DYRK1A: variants seen among roughly 807,000 people sequenced by gnomAD.
DYRK1A encodes the protein dual specificity tyrosine-phosphorylation-regulated kinase 1A.
DYRK1A carries 9 observed loss-of-function variants against 79.7 expected under a neutral mutation model. The observed-to-expected ratio is 0.11, with a 90% CI of 0.07 to 0.20. The LOEUF (loss-of-function observed/expected upper bound fraction) is 0.20, where lower values mean the gene tolerates loss of function less well. Among genes scored for constraint, DYRK1A ranks in the 10% least tolerant of loss-of-function variants. DYRK1A has a pLI of 1.00. For synonymous variants in DYRK1A, 349 were observed against 329.7 expected (o/e 1.06, Z -0.63); for missense variants, 622 against 956.0 (o/e 0.65, Z 4.61).
chr21:37,503,850 T>C (rs2053521531), intron 9 of DYRK1A: 1 of 152,242 alleles, frequency 6.6e-6, no homozygotes, highest in African/African-American at 2.4e-5. Flanking sequence ...TATTTTAAAG[T>C]TCCAGTCTGC....
chr21:37,443,298 C>A (rs569151430), intron 2 of DYRK1A, among the ~76,000 whole-genome samples: 1 of 152,118 alleles, frequency 6.6e-6, no homozygotes. Flanking sequence ...ATTGAGCCAC[C>A]GCTCCTGGCC....
At chr21:37,439,678 C>T (rs149551616) in intron 2 of DYRK1A, among the ~76,000 whole-genome samples, 1 of 152,236 alleles carries the variant, frequency 6.6e-6, no homozygotes, top group African/African-American at 2.4e-5. Context: ...AACCATATCT[C>T]CCCCCATGGA....
chr21:37,429,439 G>A (rs2050715633), intron 2 of DYRK1A, among the ~76,000 whole-genome samples: 2 of 152,148 alleles, frequency 1.3e-5, no homozygotes, highest in Non-Finnish European at 2.9e-5. Context: ...GCATGGCTAG[G>A]GAGGCCTCAG....
intron 1 of DYRK1A, among the ~76,000 whole-genome samples, chr21:37,391,601 A>G (rs2049871275): frequency 6.6e-6 from 1 of 152,176 alleles, no homozygotes; most frequent in Admixed American, 6.5e-5. Flanking sequence ...AGTCCTCCTT[A>G]ACCCCTTGTT....
At chr21:37,375,275 G>A (rs1207913402) in intron 1 of DYRK1A, among the ~76,000 whole-genome samples, 3 of 152,208 alleles carry the variant, frequency 2.0e-5, no homozygotes, top group African/African-American at 7.2e-5. Flanking sequence ...AAGGTTTTAA[G>A]TAAGGTTTTG....
intron 1 of DYRK1A, among the ~76,000 whole-genome samples, chr21:37,392,366 T>C (rs935612707): frequency 6.6e-6 from 1 of 152,236 alleles, no homozygotes; most frequent in Admixed American, 6.5e-5. Flanking sequence ...TTTCTTATTG[T>C]ATTATCATAT....
intron 1 of DYRK1A, among the ~76,000 whole-genome samples, chr21:37,385,613 C>T (rs370445021): frequency 1.1e-4 from 16 of 152,268 alleles, no homozygotes; most frequent in Admixed American, 7.8e-4. Context: ...TGCCCACACT[C>T]GGGGAATGGT....
At chr21:37,413,399 C>T (rs546772093) in intron 1 of DYRK1A, among the ~76,000 whole-genome samples, 359 of 152,058 alleles carry the variant, frequency 2.4e-3, no homozygotes, top group Non-Finnish European at 4.2e-3. Flanking sequence ...TATATATTTA[C>T]ATTTTATATA....
In DYRK1A at chr21:37,377,904, G is replaced by A. The variant is rs150402711; in HGVS notation, c.-77+10276G>A. Among the ~76,000 whole-genome samples, 76 of 152,308 alleles carry A rather than the reference G, an allele frequency of 5.0e-4. 1 individual carries two copies. In the East Asian group the frequency reaches 7.5e-3, roughly 15 times the overall value. On this transcript the variant is annotated intron_variant, in intron 1 of 11. Coordinates refer to ENST00000647188, the MANE Select transcript of DYRK1A (RefSeq NM_001347721.2). ...CCTTGCATGTATAGTTGTGTTCTGT[G>A]AGTATTGGCCATAGGATGTCTATTT... is the stretch of plus-strand genomic sequence containing the variant.
intron 2 of DYRK1A, among the ~76,000 whole-genome samples, chr21:37,436,999 A>G (rs1226741379): frequency 6.6e-6 from 1 of 152,146 alleles, no homozygotes; most frequent in Admixed American, 6.5e-5. Flanking sequence ...ATGGTATTTC[A>G]TATGGTCTTG....
At chr21:37,408,370 A>C (rs7278611) in intron 1 of DYRK1A, among the ~76,000 whole-genome samples, 8,034 of 152,258 alleles carry the variant, frequency 0.053, 750 homozygotes, top group African/African-American at 0.18. Context: ...AGAATACTAG[A>C]ATGAGCTCTC....
intron 2 of DYRK1A, among the ~76,000 whole-genome samples, chr21:37,433,512 T>G (rs996036835): frequency 6.6e-6 from 1 of 152,234 alleles, no homozygotes; most frequent in African/African-American, 2.4e-5. Flanking sequence ...CTTTAAAATC[T>G]TTCCCTTTTA....
At chr21:37,416,048 T>C (rs552295545) in intron 1 of DYRK1A, among the ~76,000 whole-genome samples, 389 of 152,274 alleles carry the variant, frequency 2.6e-3, no homozygotes, top group African/African-American at 7.8e-3. Flanking sequence ...CATCTTGGCA[T>C]AGTGAACTTT....
intron 1 of DYRK1A, among the ~76,000 whole-genome samples, chr21:37,369,020 T>TATTC (rs1429795260): frequency 6.6e-6 from 1 of 152,218 alleles, no homozygotes; most frequent in Non-Finnish European, 1.5e-5. Context: ...GAATTAAAGA[T>TATTC]ATTCCTTGAT....
At chr21:37,417,540 T>TTTTTC (rs2050378184) in intron 1 of DYRK1A, among the ~76,000 whole-genome samples, 1 of 118,370 alleles carries the variant, frequency 8.4e-6, no homozygotes, top group African/African-American at 2.9e-5. Flanking sequence ...TTTTTTTTTT[T>TTTTTC]TTTTTTTTTT....
At chr21:37,475,523 A>G (rs895055625) in intron 3 of DYRK1A, among the ~76,000 whole-genome samples, 1 of 152,242 alleles carries the variant, frequency 6.6e-6, no homozygotes, top group Non-Finnish European at 1.5e-5. Context: ...AAATTGGTTA[A>G]TATGAAATCA....
chr21:37,512,108 C>T lies in DYRK1A; in HGVS notation c.1842C>T (p.Ala614=). ...ATCACCACCACCATGGACAACAAGC[C>T]TTGGGTAACCGGACCAGGCCAAGGG... The part of the protein sequence containing the change: ...HHHHHHHGQQ[A]LGNRTRPRVY... The change falls in exon 12 of 12, where the codon GCC becomes GCT. Residue 614 remains alanine (A), a synonymous_variant. Transcript: ENST00000647188. 3 of 1,614,182 alleles carry T rather than the reference C, an allele frequency of 1.9e-6. No individual in the cohort carries two copies. The highest frequency in any genetic ancestry group is 2.5e-6 in the Non-Finnish European group (3 of 1,180,030).
chr21:37,507,973 A>G (rs1261691732), intron 11 of DYRK1A, among the ~76,000 whole-genome samples: 4 of 152,262 alleles, frequency 2.6e-5, no homozygotes, highest in Non-Finnish European at 1.5e-5. Flanking sequence ...AACTGAAGTC[A>G]TCATTTTCAC....
chr21:37,457,144 A>C (rs910334028), intron 2 of DYRK1A, among the ~76,000 whole-genome samples: 1 of 152,050 alleles, frequency 6.6e-6, no homozygotes, highest in Non-Finnish European at 1.5e-5. Flanking sequence ...ATCCTGGCTC[A>C]CTGCAAACTG....
Sources: gnomAD v4.1 joint callset for allele counts (sites outside exome capture counted in the v4.1 genomes callset) on GRCh38, gnomAD v4.1.1 for gene constraint, MANE v1.5 for transcripts, NCBI Gene and HGNC (gene_info 2026-07-23, HGNC 2026-07-21) for gene names.